NDUFA10: variants seen among roughly 807,000 people sequenced by gnomAD.
NDUFA10 encodes NADH:ubiquinone oxidoreductase subunit A10, also known as NADH dehydrogenase [ubiquinone] 1 alpha subcomplex subunit 10, mitochondrial.
A neutral mutation model predicts 47.8 loss-of-function variants in NDUFA10; 40 were observed. The observed-to-expected ratio is 0.84, with a 90% CI of 0.65 to 1.09. The LOEUF (loss-of-function observed/expected upper bound fraction) is 1.09. NDUFA10 is among the 50% of genes least tolerant of loss of function. The pLI, the probability that NDUFA10 is intolerant of heterozygous loss-of-function variation, is 0.00. For synonymous variants in NDUFA10, 183 were observed against 172.2 expected (o/e 1.06, Z -0.49); for missense variants, 413 against 451.1 (o/e 0.92, Z 0.76).
intron 4 of NDUFA10, among the ~76,000 whole-genome samples, chr2:239,913,576 C>T (rs1216587555): frequency 6.6e-6 from 1 of 152,246 alleles, no homozygotes; most frequent in African/African-American, 2.4e-5. Context: ...CATCTCAATA[C>T]TGCGGGGAGC....
intron 4 of NDUFA10, among the ~76,000 whole-genome samples, chr2:239,931,756 A>G (rs1694178800): frequency 6.6e-6 from 1 of 152,108 alleles, no homozygotes; most frequent in Non-Finnish European, 1.5e-5. Flanking sequence ...GGGCTCCCCA[A>G]GAGCCTCCAT....
At chr2:239,977,591 C>G in intron 9 of NDUFA10, among the ~76,000 whole-genome samples, 1 of 152,274 alleles carries the variant, frequency 6.6e-6, no homozygotes, top group East Asian at 1.9e-4. Flanking sequence ...CAAAACCAAT[C>G]TGTTCCAGAG....
intron 8 of NDUFA10, among the ~76,000 whole-genome samples, chr2:239,997,511 A>G (rs1012783526): frequency 6.6e-6 from 1 of 152,362 alleles, no homozygotes; most frequent in East Asian, 1.9e-4. Context: ...AGGTCCAAGT[A>G]TGAATACTGG....
chr2:239,934,673 C>T (rs1450006811), intron 4 of NDUFA10, among the ~76,000 whole-genome samples: 4 of 152,146 alleles, frequency 2.6e-5, no homozygotes, highest in African/African-American at 4.8e-5. Flanking sequence ...CATCCTAGAG[C>T]GGTAGAGGGC....
chr2:239,963,372 G>A (rs939962885), intron 9 of NDUFA10, among the ~76,000 whole-genome samples: 7 of 152,216 alleles, frequency 4.6e-5, no homozygotes, highest in Admixed American at 2.6e-4. Context: ...ACTGCTGCTC[G>A]AACTACAGGT....
intron 4 of NDUFA10, among the ~76,000 whole-genome samples, chr2:239,898,373 G>C (rs1306276244): frequency 5.3e-5 from 8 of 152,238 alleles, no homozygotes; most frequent in Non-Finnish European, 1.5e-5. Context: ...CGCTGCCCCT[G>C]CCTGCCAGCC....
intron 6 of NDUFA10, among the ~76,000 whole-genome samples, chr2:240,008,485 A>G (rs1697025532): frequency 6.6e-6 from 1 of 152,270 alleles, no homozygotes; most frequent in Non-Finnish European, 1.5e-5. Context: ...AGAAAGGCAC[A>G]AAGTGACAAA....
intron 8 of NDUFA10, among the ~76,000 whole-genome samples, chr2:239,990,765 T>C (rs548641501): frequency 1.8e-4 from 28 of 152,342 alleles, no homozygotes; most frequent in African/African-American, 6.5e-4. Context: ...AATCATAGGA[T>C]AGTCTCTTAG....
chr2:239,905,180 C>T (rs908652948), intron 4 of NDUFA10, among the ~76,000 whole-genome samples: 21 of 152,144 alleles, frequency 1.4e-4, no homozygotes, highest in African/African-American at 4.1e-4. Context: ...AATGTGTGCC[C>T]GGGCCTGTTG....
At chr2:239,951,986 T>G (rs958262662) in intron 4 of NDUFA10, among the ~76,000 whole-genome samples, 1 of 152,206 alleles carries the variant, frequency 6.6e-6, no homozygotes, top group African/African-American at 2.4e-5. Context: ...TTTCCCTCGG[T>G]AGGTGCTGTG....
At chr2:239,999,719 C>T (rs1183893033) in intron 8 of NDUFA10, among the ~76,000 whole-genome samples, 1 of 152,222 alleles carries the variant, frequency 6.6e-6, no homozygotes, top group African/African-American at 2.4e-5. Context: ...TACGAGGAAC[C>T]TGACAGCTGC....
intron 4 of NDUFA10, among the ~76,000 whole-genome samples, chr2:239,915,593 TACACATAC>T (rs1693851752): frequency 7.9e-6 from 1 of 126,156 alleles, no homozygotes; most frequent in African/African-American, 3.2e-5. Flanking sequence ...CACACAGAGA[TACACATAC>T]ACACACACAC....
intron 4 of NDUFA10, among the ~76,000 whole-genome samples, chr2:239,920,221 G>A (rs1693945623): frequency 6.6e-6 from 1 of 152,200 alleles, no homozygotes; most frequent in African/African-American, 2.4e-5. Context: ...AGGAAGGTGG[G>A]GAGAGGGCCC....
At chr2:239,970,078 C>G (rs535094839) in intron 9 of NDUFA10, among the ~76,000 whole-genome samples, 1 of 152,110 alleles carries the variant, frequency 6.6e-6, no homozygotes, top group African/African-American at 2.4e-5. Context: ...AAGAAAACCA[C>G]GCAGATGCAT....
At chr2:239,920,508 C>G (rs926309761) in intron 4 of NDUFA10, among the ~76,000 whole-genome samples, 1 of 152,214 alleles carries the variant, frequency 6.6e-6, no homozygotes, top group African/African-American at 2.4e-5. Context: ...GGGCTGGAGC[C>G]GCAGACTATT....
chr2:239,982,899 CT>C (rs1695834062), intron 9 of NDUFA10, among the ~76,000 whole-genome samples: 1 of 152,204 alleles, frequency 6.6e-6, no homozygotes, highest in South Asian at 2.1e-4. Flanking sequence ...CTAGCACAAG[CT>C]GTCTGTCGGG....
chr2:239,943,457 C>G (rs534819927), intron 4 of NDUFA10, among the ~76,000 whole-genome samples: 3 of 152,332 alleles, frequency 2.0e-5, no homozygotes, highest in Non-Finnish European at 2.9e-5. Context: ...GCCTCAGCCT[C>G]CCAAAGTGTT....
intron 4 of NDUFA10, among the ~76,000 whole-genome samples, chr2:239,916,915 G>C (rs1693889692): frequency 6.6e-6 from 1 of 152,256 alleles, no homozygotes; most frequent in African/African-American, 2.4e-5. Context: ...TGATGCCCAA[G>C]ATCTGACCAG....
At chr2:239,893,231 G>A (rs1408598728) in intron 5 of NDUFA10, among the ~76,000 whole-genome samples, 2 of 152,192 alleles carry the variant, frequency 1.3e-5, no homozygotes, top group Non-Finnish European at 2.9e-5. Flanking sequence ...ACACGGCAGA[G>A]AACACAGTAG....
Sources: gnomAD v4.1 joint callset for allele counts (sites outside exome capture counted in the v4.1 genomes callset) on GRCh38, gnomAD v4.1.1 for gene constraint, MANE v1.5 for transcripts, NCBI Gene and HGNC (gene_info 2026-07-23, HGNC 2026-07-21) for gene names.